The following ZNF385D variants were observed in gnomAD, a reference collection of about 807,000 sequenced individuals.
ZNF385D encodes zinc finger protein 385D.
Under a neutral mutation model 35.8 loss-of-function variants are expected in ZNF385D, and 15 were observed. The ratio of observed to expected loss-of-function variants is 0.42; its 90% CI spans 0.28 to 0.64. ZNF385D has a LOEUF of 0.64. Ranked by LOEUF, ZNF385D falls within the 30% of genes least tolerant of loss-of-function variation. The pLI is 0.23. For missense variants in ZNF385D, 474 were observed against 494.6 expected (o/e 0.96, Z 0.39); for synonymous variants, 212 against 186.8 (o/e 1.13, Z -1.10).
At chr3:22,362,353 A>G (rs1236078114) in intron 2 of ZNF385D, among the ~76,000 whole-genome samples, 1 of 152,100 alleles carries the variant, frequency 6.6e-6, no homozygotes, top group African/African-American at 2.4e-5. Flanking sequence ...ATAATTAAAA[A>G]TTATGCCACT....
At chr3:22,078,925 A>C (rs1328430694) in intron 3 of ZNF385D, among the ~76,000 whole-genome samples, 1 of 152,074 alleles carries the variant, frequency 6.6e-6, no homozygotes, top group African/African-American at 2.4e-5. Context: ...TTGTCAAAAA[A>C]TGTGTGGAAA....
At chr3:21,892,705 AC>A (rs1575852230) in intron 3 of ZNF385D, among the ~76,000 whole-genome samples, 2 of 152,030 alleles carry the variant, frequency 1.3e-5, no homozygotes, top group African/African-American at 4.8e-5. Flanking sequence ...CACTCTCTCC[AC>A]CAGTTTTTCT....
intron 3 of ZNF385D, among the ~76,000 whole-genome samples, chr3:22,135,513 A>G (rs1270663402): frequency 6.6e-6 from 1 of 152,184 alleles, no homozygotes; most frequent in Non-Finnish European, 1.5e-5. Context: ...TACAACATTC[A>G]TAGAATGAAA....
At chr3:22,332,904 C>CT (rs200384474) in intron 2 of ZNF385D, among the ~76,000 whole-genome samples, 9,347 of 144,530 alleles carry the variant, frequency 0.065, 323 homozygotes, top group Non-Finnish European at 0.078. Context: ...ATTACTTTTC[C>CT]TTTTTTTTTT....
At chr3:21,618,298 C>T (rs1003450429) in intron 2 of ZNF385D, among the ~76,000 whole-genome samples, 2 of 135,610 alleles carry the variant, frequency 1.5e-5, no homozygotes, top group East Asian at 2.3e-4. Flanking sequence ...CATGTGAAGA[C>T]GGAGATACTG....
intron 3 of ZNF385D, among the ~76,000 whole-genome samples, chr3:21,948,693 A>G (rs1000152244): frequency 1.4e-5 from 2 of 145,534 alleles, no homozygotes; most frequent in Admixed American, 7.4e-5. Context: ...TCTGTTTTCC[A>G]ATTGCATGAG....
At chr3:21,596,542 G>A (rs1045988739) in intron 2 of ZNF385D, among the ~76,000 whole-genome samples, 3 of 151,644 alleles carry the variant, frequency 2.0e-5, no homozygotes, top group African/African-American at 4.8e-5. Context: ...TTTAGAGACC[G>A]TCTCTTGCTC....
At chr3:22,339,589 C>A (rs1355969906) in intron 2 of ZNF385D, among the ~76,000 whole-genome samples, 1 of 152,144 alleles carries the variant, frequency 6.6e-6, no homozygotes, top group Non-Finnish European at 1.5e-5. Flanking sequence ...TAACCTTTTC[C>A]ATTTGATGCT....
At chr3:22,167,363 G>C (rs1400422835) in intron 3 of ZNF385D, among the ~76,000 whole-genome samples, 2 of 152,136 alleles carry the variant, frequency 1.3e-5, no homozygotes, top group African/African-American at 2.4e-5. Flanking sequence ...AAAAGCCCTA[G>C]ACTCAGCCAT....
chr3:21,901,442 C>G (rs1157361190), intron 3 of ZNF385D, among the ~76,000 whole-genome samples: 35 of 152,100 alleles, frequency 2.3e-4, no homozygotes, highest in Admixed American at 2.3e-3. Flanking sequence ...TAAACAGCTA[C>G]CAACATACAC....
intron 3 of ZNF385D, among the ~76,000 whole-genome samples, chr3:21,872,603 C>T (rs953004641): frequency 6.6e-6 from 1 of 151,964 alleles, no homozygotes; most frequent in South Asian, 2.1e-4. Context: ...CAATGGTTAC[C>T]ATTAGGTCAG....
At chr3:21,701,670 C>A (rs1376291457) in intron 1 of ZNF385D, among the ~76,000 whole-genome samples, 1 of 152,160 alleles carries the variant, frequency 6.6e-6, no homozygotes, top group African/African-American at 2.4e-5. Flanking sequence ...GCCTATGAAC[C>A]TGTAAAATCA....
chr3:22,243,012 C>A (rs113723583), intron 2 of ZNF385D, among the ~76,000 whole-genome samples: 3 of 150,762 alleles, frequency 2.0e-5, no homozygotes, highest in African/African-American at 4.9e-5. Flanking sequence ...AAAGCAAAAG[C>A]AACAAAATAA....
chr3:21,899,806 A>G (rs555256545), intron 3 of ZNF385D, among the ~76,000 whole-genome samples: 2 of 152,246 alleles, frequency 1.3e-5, no homozygotes, highest in East Asian at 3.9e-4. Flanking sequence ...CTGTAGCCAA[A>G]TTTCCCACTA....
intron 3 of ZNF385D, among the ~76,000 whole-genome samples, chr3:22,120,875 A>G (rs1278224931): frequency 2.0e-5 from 3 of 152,178 alleles, no homozygotes; most frequent in African/African-American, 4.8e-5. Context: ...ACAATATTAA[A>G]AACAATGACT....
At chr3:22,168,555 A>G (rs1706485611) in intron 3 of ZNF385D, 1 of 152,722 alleles carries the variant, frequency 6.5e-6, no homozygotes, top group South Asian at 2.1e-4. Flanking sequence ...GAAGGCACAC[A>G]TCAAGAAACT....
At chr3:21,942,716 T>C (rs935881877) in intron 3 of ZNF385D, 90 of 152,296 alleles carry the variant, frequency 5.9e-4, no homozygotes, top group African/African-American at 2.1e-3. Flanking sequence ...TATTTCAAAA[T>C]GTCAACACAC....
At chr3:22,331,424 A>G (rs774572121) in intron 2 of ZNF385D, among the ~76,000 whole-genome samples, 22 of 152,208 alleles carry the variant, frequency 1.4e-4, no homozygotes, top group Non-Finnish European at 2.5e-4. Context: ...ATAAAACAAA[A>G]AGAAAACTTT....
intron 2 of ZNF385D, among the ~76,000 whole-genome samples, chr3:22,300,035 C>T (rs12493994): frequency 0.63 from 96,119 of 151,698 alleles, 30,701 homozygotes; most frequent in South Asian, 0.72. Flanking sequence ...GCTGGAGGTA[C>T]CACATGACTT....
Sources: allele counts gnomAD v4.1 joint callset (sites outside exome capture counted in the v4.1 genomes callset), GRCh38; gene constraint gnomAD v4.1.1; transcripts MANE v1.5; gene names NCBI Gene and HGNC (gene_info 2026-07-23, HGNC 2026-07-21).